Variants in TTC7B observed in about 807,000 individuals in gnomAD.
TTC7B encodes tetratricopeptide repeat domain 7B.
TTC7B carries 28 observed loss-of-function variants against 106.8 expected under a neutral mutation model. The observed-to-expected ratio is 0.26, with a 90% CI of 0.19 to 0.36. The LOEUF (loss-of-function observed/expected upper bound fraction) is 0.36, where lower values mean the gene tolerates loss of function less well. TTC7B is among the 10% of genes least tolerant of loss of function. TTC7B has a pLI of 1.00. For missense variants in TTC7B, 862 were observed against 1,076.4 expected (o/e 0.80, Z 2.79); for synonymous variants, 405 against 430.6 (o/e 0.94, Z 0.74).
intron 9 of TTC7B, among the ~76,000 whole-genome samples, chr14:90,671,558 C>T (rs538901414): frequency 1.6e-4 from 25 of 152,196 alleles, no homozygotes; most frequent in Middle Eastern, 6.8e-3. Flanking sequence ...CTTTTAATAG[C>T]GCAGGTTGTC....
chr14:90,784,366 G>T lies in TTC7B; in HGVS notation c.276+1808C>A, dbSNP rs145257758. 8.0e-3 allele frequency among the ~76,000 whole-genome samples: 1,214 copies of T among 152,258 alleles called. 4 individuals carry two copies. Among genetic ancestry groups the T allele is most frequent in the South Asian group, 0.014 (67 of 4,812 alleles). On this transcript the variant is annotated intron_variant, in intron 2 of 19. Transcript: ENST00000328459. ...AGGTGAGGAGATTGAGACCATCCTGGCTAACACGGTGAAACCCTGTCTCTA... is the reference window on the plus strand; with the variant it reads ...AGGTGAGGAGATTGAGACCATCCTGTCTAACACGGTGAAACCCTGTCTCTA...
chr14:90,756,259 AC>A (rs1176830992), intron 3 of TTC7B, among the ~76,000 whole-genome samples: 1 of 151,758 alleles, frequency 6.6e-6, no homozygotes, highest in Non-Finnish European at 1.5e-5. Flanking sequence ...TGCGGGCAGC[AC>A]TCTGGGCTAG....
rs1890334272 is a variant in TTC7B, at chr14:90,757,273, C to T, written c.446-12351G>A. On this transcript the variant is annotated intron_variant, in intron 3 of 19. Transcript: ENST00000328459. This position sits in a 1 kb window ranked among gnomAD's most constrained non-coding sequence, Gnocchi z 4.1. ...TGTTTCACTGCACCCGAAGTGATCT[C>T]AATGTTTCCAAAAATGAAAAGCAGT... Among the ~76,000 whole-genome samples, 1 of 152,134 alleles carries T rather than the reference C, an allele frequency of 6.6e-6. No homozygotes were observed. Among genetic ancestry groups the T allele is most frequent in the Admixed American group, 6.5e-5 (1 of 15,270 alleles).
rs769613816 is a variant in TTC7B, at chr14:90,529,291, A to G, written c.*12077T>C. ...TTGTCAGGGAGAGGCCGTAGCCCTC[A>G]CCACCGCTAATGACTGGCTACCACA... On this transcript the variant is annotated 3_prime_UTR_variant, in exon 20 of 20. Coordinates refer to ENST00000328459, the MANE Select transcript of TTC7B (RefSeq NM_001010854.2). The G allele has an allele frequency of 3.9e-5, 6 of 152,478 alleles. No individual in the cohort carries two copies. The highest frequency in any genetic ancestry group is 8.8e-5 in the Non-Finnish European group (6 of 68,228). 9.4% of individuals were successfully genotyped at this position (152,478 alleles called of 1,614,324 possible).
intron 15 of TTC7B, among the ~76,000 whole-genome samples, chr14:90,639,576 C>A (rs1322108168): frequency 1.3e-5 from 2 of 152,150 alleles, no homozygotes; most frequent in African/African-American, 4.8e-5. Context: ...CTCTTGAGCG[C>A]TGCTGATGGG....
In TTC7B at chr14:90,528,211, C is replaced by G. The variant is rs1470075952; in HGVS notation, c.*13157G>C. On this transcript the variant is annotated 3_prime_UTR_variant, in exon 20 of 20. Transcript: ENST00000328459. ...TCCCCTGGCTGGCTAAACAGCAGCA[C>G]CAGCTCCTCCTTCTGTCCAGCCGGA... 1 of 152,182 alleles carries G rather than the reference C, an allele frequency of 6.6e-6. No homozygotes were observed. The highest frequency in any genetic ancestry group is 1.5e-5 in the Non-Finnish European group (1 of 68,068). 9.4% of individuals were successfully genotyped at this position (152,182 alleles called of 1,614,324 possible).
In TTC7B at chr14:90,816,177, T is replaced by C; in HGVS notation, c.119A>G (p.Asn40Ser). ...AGGCCGGCGCGCCCGGAGCGTACCG[T>C]TGGCGATGAGCTTGGCCGACAGCTG... ...VKQLSAKLIA[N>S]DDMAELLLGE... The change falls in exon 1 of 20, where the codon AAC becomes AGC. Residue 40 changes from asparagine to serine, a missense_variant and splice_region_variant. By Grantham distance (46) the Asn-to-Ser change is conservative. Transcript: ENST00000328459. The C allele has an allele frequency of 4.0e-6, 5 of 1,246,434 alleles. No individual in the cohort carries two copies. The highest frequency in any genetic ancestry group is 5.2e-6 in the Non-Finnish European group (5 of 962,888). 77.2% of individuals were successfully genotyped at this position (1,246,434 alleles called of 1,614,324 possible).
intron 16 of TTC7B, among the ~76,000 whole-genome samples, chr14:90,617,375 G>C (rs570761507): frequency 6.6e-6 from 1 of 152,236 alleles, no homozygotes; most frequent in South Asian, 2.1e-4. Context: ...TCTGTGAATA[G>C]GTCTTAACAT....
chr14:90,741,018 G>A (rs925626759), intron 4 of TTC7B, among the ~76,000 whole-genome samples: 6 of 152,122 alleles, frequency 3.9e-5, no homozygotes, highest in Non-Finnish European at 8.8e-5. Context: ...CTAGGACTGC[G>A]GTTTTACAGA....
At chr14:90,567,985 G>T (rs115335750) in intron 19 of TTC7B, among the ~76,000 whole-genome samples, 201 of 152,336 alleles carry the variant, frequency 1.3e-3, no homozygotes, top group African/African-American at 4.6e-3. Flanking sequence ...GGTTGACACG[G>T]CCCAAAGAGA....
intron 17 of TTC7B, among the ~76,000 whole-genome samples, chr14:90,602,502 A>T (rs1892466507): frequency 6.6e-6 from 1 of 152,108 alleles, no homozygotes; most frequent in South Asian, 2.1e-4. Context: ...GGAGTTGGAA[A>T]CCAGCCTGGG....
chr14:90,572,403 T>G (rs1412646171), intron 19 of TTC7B, among the ~76,000 whole-genome samples: 1 of 152,200 alleles, frequency 6.6e-6, no homozygotes. Flanking sequence ...GCACCTCACA[T>G]CGTGGGGCCA....
chr14:90,571,120 C>T (rs1046774501), intron 19 of TTC7B, among the ~76,000 whole-genome samples: 2 of 152,154 alleles, frequency 1.3e-5, no homozygotes, highest in African/African-American at 4.8e-5. Context: ...AAGAAAGTCC[C>T]CTCTCACTGT....
chr14:90,803,885 C>T (rs1232662717), intron 1 of TTC7B, among the ~76,000 whole-genome samples: 1 of 151,886 alleles, frequency 6.6e-6, no homozygotes, highest in Non-Finnish European at 1.5e-5. Flanking sequence ...AAGTCACTAG[C>T]GTAGAGCTGG....
chr14:90,752,122 T>C (rs1033501486), intron 3 of TTC7B, among the ~76,000 whole-genome samples: 2 of 152,156 alleles, frequency 1.3e-5, no homozygotes, highest in African/African-American at 4.8e-5. Context: ...CTCTATACTT[T>C]TAAAAGCTCA....
chr14:90,605,365 C>T (rs1892596208), intron 17 of TTC7B, among the ~76,000 whole-genome samples: 1 of 152,234 alleles, frequency 6.6e-6, no homozygotes, highest in Non-Finnish European at 1.5e-5. Flanking sequence ...TCTATCCGTT[C>T]TGCCCAGAAG....
At chr14:90,755,017 T>C (rs1029583170) in intron 3 of TTC7B, among the ~76,000 whole-genome samples, 3 of 152,248 alleles carry the variant, frequency 2.0e-5, no homozygotes, top group African/African-American at 7.2e-5. Flanking sequence ...TACACAACCA[T>C]GCCCTCTGTC....
chr14:90,582,513 C>A (rs557626146), intron 18 of TTC7B, among the ~76,000 whole-genome samples: 60 of 152,348 alleles, frequency 3.9e-4, no homozygotes, highest in Middle Eastern at 3.4e-3. Flanking sequence ...CCATCAGGAG[C>A]ACAGGCCTTA....
intron 19 of TTC7B, among the ~76,000 whole-genome samples, chr14:90,562,102 G>A (rs374070006): frequency 7.2e-5 from 11 of 151,860 alleles, no homozygotes; most frequent in South Asian, 4.2e-4. Flanking sequence ...CAAAACCATC[G>A]CCCCAGCCCG....
Sources: gnomAD v4.1 joint callset for allele counts (sites outside exome capture counted in the v4.1 genomes callset) on GRCh38, gnomAD v4.1.1 for gene constraint, Gnocchi (gnomAD v3.1) non-coding constraint, MANE v1.5 for transcripts, NCBI Gene and HGNC (gene_info 2026-07-23, HGNC 2026-07-21) for gene names.